GALNT17: variants seen among roughly 807,000 people sequenced by gnomAD.
GALNT17 encodes UDP-GalNAc:polypeptide N-acetylgalactosaminyltransferase-like 3.
A neutral mutation model predicts 63.7 loss-of-function variants in GALNT17; 29 were observed. The ratio of observed to expected loss-of-function variants is 0.46; its 90% CI spans 0.34 to 0.62. The LOEUF (loss-of-function observed/expected upper bound fraction) is 0.62. GALNT17 is among the 20% of genes least tolerant of loss of function. The pLI, the probability that GALNT17 is intolerant of heterozygous loss-of-function variation, is 0.01. For synonymous variants in GALNT17, 305 were observed against 318.3 expected (o/e 0.96, Z 0.45); for missense variants, 603 against 799.6 (o/e 0.75, Z 2.97).
intron 3 of GALNT17, among the ~76,000 whole-genome samples, chr7:71,399,868 G>GT (rs1319399872): frequency 6.6e-6 from 1 of 152,036 alleles, no homozygotes; most frequent in African/African-American, 2.4e-5. Context: ...TAAAAAAATA[G>GT]TATTGATGAT....
chr7:71,287,045 T>C (rs567738479), intron 1 of GALNT17, among the ~76,000 whole-genome samples: 1 of 152,202 alleles, frequency 6.6e-6, no homozygotes, highest in African/African-American at 2.4e-5. Context: ...GTGAAAGTGC[T>C]GGGATTACAG....
At chr7:71,255,625 CT>C (rs1790274995) in intron 1 of GALNT17, among the ~76,000 whole-genome samples, 1 of 152,128 alleles carries the variant, frequency 6.6e-6, no homozygotes, top group Non-Finnish European at 1.5e-5. Context: ...CTGGAAAATG[CT>C]TGTGAGTTCA....
At chr7:71,349,652 A>G (rs577116314) in intron 2 of GALNT17, among the ~76,000 whole-genome samples, 33 of 109,100 alleles carry the variant, frequency 3.0e-4, no homozygotes, top group African/African-American at 9.0e-4. Flanking sequence ...ATAAATAAAT[A>G]CGAAATTGCT....
At chr7:71,187,001 G>A (rs990927459) in intron 1 of GALNT17, among the ~76,000 whole-genome samples, 2 of 152,066 alleles carry the variant, frequency 1.3e-5, no homozygotes, top group Non-Finnish European at 2.9e-5. Context: ...GTTTTCTCTG[G>A]ATTTTGTATT....
At chr7:71,204,102 C>T (rs573712702) in intron 1 of GALNT17, among the ~76,000 whole-genome samples, 56 of 151,722 alleles carry the variant, frequency 3.7e-4, no homozygotes, top group African/African-American at 9.0e-4. Flanking sequence ...GAAAAGGATC[C>T]GACTTCATTC....
At chr7:71,236,608 C>T (rs1214205757) in intron 1 of GALNT17, among the ~76,000 whole-genome samples, 3 of 152,114 alleles carry the variant, frequency 2.0e-5, no homozygotes, top group Non-Finnish European at 2.9e-5. Context: ...CTGGGAGGGA[C>T]GGGCTGGTGT....
chr7:71,413,282 C>T (rs1426667844), intron 3 of GALNT17, among the ~76,000 whole-genome samples: 1 of 152,194 alleles, frequency 6.6e-6, no homozygotes, highest in African/African-American at 2.4e-5. Flanking sequence ...CCTCACAGCA[C>T]TCTTCCTCCG....
chr7:71,148,550 A>G (rs1788066630), intron 1 of GALNT17, among the ~76,000 whole-genome samples: 1 of 152,206 alleles, frequency 6.6e-6, no homozygotes, highest in Non-Finnish European at 1.5e-5. Flanking sequence ...GTGAATCCGC[A>G]GTGTCTACCA....
chr7:71,145,867 C>T (rs991059707), intron 1 of GALNT17, among the ~76,000 whole-genome samples: 1 of 151,958 alleles, frequency 6.6e-6, no homozygotes, highest in Non-Finnish European at 1.5e-5. Context: ...CACCACACCC[C>T]GCTAATTTTT....
intron 1 of GALNT17, among the ~76,000 whole-genome samples, chr7:71,292,550 T>C (rs1479950648): frequency 6.6e-6 from 1 of 152,114 alleles, no homozygotes; most frequent in Non-Finnish European, 1.5e-5. Flanking sequence ...TCAAGATGTA[T>C]TGATATATGC....
intron 5 of GALNT17, among the ~76,000 whole-genome samples, chr7:71,545,263 CTGTT>C (rs1401379060): frequency 2.0e-5 from 3 of 152,228 alleles, no homozygotes; most frequent in African/African-American, 7.2e-5. Context: ...TCACATCTCT[CTGTT>C]TATTTTTCAC....
chr7:71,404,411 A>T (rs1361246480), intron 3 of GALNT17, among the ~76,000 whole-genome samples: 1 of 152,218 alleles, frequency 6.6e-6, no homozygotes, highest in East Asian at 1.9e-4. Flanking sequence ...ATGCTTTCAT[A>T]CACAGCAAAA....
intron 5 of GALNT17, among the ~76,000 whole-genome samples, chr7:71,558,171 G>A (rs1043946978): frequency 2.6e-5 from 4 of 152,192 alleles, no homozygotes; most frequent in Non-Finnish European, 5.9e-5. Context: ...TAGCACAGAG[G>A]TTGGTGAAAT....
chr7:71,709,438 C>T (rs921067516), intron 9 of GALNT17, among the ~76,000 whole-genome samples: 30 of 152,068 alleles, frequency 2.0e-4, no homozygotes, highest in Non-Finnish European at 3.2e-4. Context: ...TTTAAAAGAA[C>T]GAAGTATATA....
chr7:71,658,935 T>C (rs1449220184), intron 6 of GALNT17, among the ~76,000 whole-genome samples: 1 of 152,124 alleles, frequency 6.6e-6, no homozygotes, highest in Non-Finnish European at 1.5e-5. Flanking sequence ...ATTTTGTTGC[T>C]GTCACTAAAG....
chr7:71,638,232 G>A (rs1447987465), intron 6 of GALNT17, among the ~76,000 whole-genome samples: 1 of 152,174 alleles, frequency 6.6e-6, no homozygotes, highest in Admixed American at 6.5e-5. Flanking sequence ...TCACCATCTT[G>A]GTTTTGGTGG....
intron 6 of GALNT17, among the ~76,000 whole-genome samples, chr7:71,613,590 T>C (rs897847790): frequency 5.9e-5 from 9 of 152,268 alleles, no homozygotes; most frequent in African/African-American, 9.6e-5. Context: ...CATTGCATTC[T>C]GTCTCCTCTG....
intron 3 of GALNT17, among the ~76,000 whole-genome samples, chr7:71,397,139 A>T (rs1004407868): frequency 6.6e-5 from 10 of 152,110 alleles, no homozygotes; most frequent in African/African-American, 1.9e-4. Flanking sequence ...ATTTATTTTT[A>T]AAAATGTATT....
At chr7:71,524,650 T>C (rs765749777) in intron 5 of GALNT17, among the ~76,000 whole-genome samples, 4 of 152,214 alleles carry the variant, frequency 2.6e-5, no homozygotes, top group Non-Finnish European at 5.9e-5. Flanking sequence ...TTTTCTGTGT[T>C]AGTTTTATAA....
Sources: gnomAD v4.1 joint callset for allele counts (sites outside exome capture counted in the v4.1 genomes callset) on GRCh38, gnomAD v4.1.1 for gene constraint, MANE v1.5 for transcripts, NCBI Gene and HGNC (gene_info 2026-07-23, HGNC 2026-07-21) for gene names.